Variants in GLT1D1 observed in about 807,000 individuals in gnomAD.
GLT1D1 encodes the protein glycosyltransferase 1 domain containing 1, also known as glycosyltransferase 1 domain-containing protein 1.
Under a neutral mutation model 28.7 loss-of-function variants are expected in GLT1D1, and 21 were observed. The observed-to-expected ratio is 0.73, with a 90% CI of 0.52 to 1.05. The LOEUF is 1.05. Among genes scored for constraint, GLT1D1 ranks in the 50% least tolerant of loss-of-function variants. The pLI is 0.00. For synonymous variants in GLT1D1, 147 were observed against 124.8 expected, an observed-to-expected ratio of 1.18 and a Z score of -1.19; for missense variants, 343 against 330.6, an observed-to-expected ratio of 1.04 and a Z score of -0.29.
intron 4 of GLT1D1, among the ~76,000 whole-genome samples, chr12:128,907,469 C>G (rs1871002824): frequency 6.6e-6 from 1 of 152,084 alleles, no homozygotes; most frequent in Non-Finnish European, 1.5e-5. Context: ...CCACACCCAG[C>G]TAATTTTTTG....
At chr12:128,912,386 A>G in intron 4 of GLT1D1, 38 bp from the exon 5 acceptor site, 3 of 1,429,024 alleles carry the variant, frequency 2.1e-6, no homozygotes. Context: ...TGCACTGTCC[A>G]ATGTACTTTT....
At chr12:128,908,920 G>A (rs1233086482) in intron 4 of GLT1D1, among the ~76,000 whole-genome samples, 4 of 152,156 alleles carry the variant, frequency 2.6e-5, no homozygotes, top group Non-Finnish European at 5.9e-5. Flanking sequence ...CTGCACTCCA[G>A]CCTGGGCGAC....
intron 7 of GLT1D1, among the ~76,000 whole-genome samples, chr12:128,973,243 C>T (rs1450664360): frequency 8.2e-6 from 1 of 122,574 alleles, no homozygotes; most frequent in Admixed American, 1.1e-4. Context: ...AGTCCAGTGA[C>T]ACGATATTGG....
chr12:128,961,969 C>G (rs1878002569), intron 7 of GLT1D1, among the ~76,000 whole-genome samples: 1 of 152,208 alleles, frequency 6.6e-6, no homozygotes, highest in Non-Finnish European at 1.5e-5. Flanking sequence ...ACTCTGTCCC[C>G]CTCTCCCTTC....
At chr12:128,854,343 G>T (rs1956154866) in intron 1 of GLT1D1, among the ~76,000 whole-genome samples, 1 of 152,022 alleles carries the variant, frequency 6.6e-6, no homozygotes, top group African/African-American at 2.4e-5. Context: ...CATATTCCTT[G>T]AGGCGAAGCC....
At chr12:128,956,010 T>C (rs932106898) in intron 6 of GLT1D1, among the ~76,000 whole-genome samples, 1 of 151,034 alleles carries the variant, frequency 6.6e-6, no homozygotes, top group Non-Finnish European at 1.5e-5. Flanking sequence ...GTACAAAAAA[T>C]TAGCCGGGCG....
intron 2 of GLT1D1, among the ~76,000 whole-genome samples, chr12:128,883,594 A>G (rs1362572375): frequency 8.4e-6 from 1 of 119,758 alleles, no homozygotes; most frequent in Non-Finnish European, 1.9e-5. Flanking sequence ...CATCTCAAAA[A>G]AAAAAAAAAA....
rs866070149 is a variant in GLT1D1 at position 128,952,437 on chromosome 12, G to T, written c.540+4979G>T. 3.2e-3 allele frequency among the ~76,000 whole-genome samples: 433 copies of T among 133,820 alleles called. 3 individuals are homozygous for T. Among genetic ancestry groups the T allele is most frequent in the African/African-American group, 0.012 (407 of 33,954 alleles). The allele number at this position is 133,820 out of a possible 152,430, so 87.8% of individuals were successfully genotyped here. ...GGGCAGGGGTGTAGGGTGGGGGTGG[G>T]GGGGGGTGGGGCTGAAAAGGGAAAT... On this transcript the variant is annotated intron_variant, in intron 6 of 7. Coordinates refer to ENST00000281703, the MANE Select transcript of GLT1D1 (RefSeq NM_144669.3).
At chr12:128,889,828 G>T (rs143115338) in intron 3 of GLT1D1, among the ~76,000 whole-genome samples, 1 of 152,200 alleles carries the variant, frequency 6.6e-6, no homozygotes, top group Non-Finnish European at 1.5e-5. Flanking sequence ...AGGCTGGAGC[G>T]CAATGGCGCG....
At chr12:128,890,654 G>A (rs1024404327) in intron 3 of GLT1D1, among the ~76,000 whole-genome samples, 12 of 151,054 alleles carry the variant, frequency 7.9e-5, no homozygotes, top group Admixed American at 6.6e-5. Flanking sequence ...GTGTGGTGGT[G>A]GGTACCTGTA....
chr12:128,963,648 C>T (rs535014661), intron 7 of GLT1D1, among the ~76,000 whole-genome samples: 2 of 152,100 alleles, frequency 1.3e-5, no homozygotes, highest in African/African-American at 4.8e-5. Context: ...CGTCTCAAAA[C>T]AAAAACAAAA....
chr12:128,887,399 G>A (rs1241499020), intron 2 of GLT1D1, among the ~76,000 whole-genome samples: 1 of 151,956 alleles, frequency 6.6e-6, no homozygotes, highest in Admixed American at 6.6e-5. Context: ...GATGCTCTGT[G>A]CATATAGAAA....
At chr12:128,940,526 G>A (rs1005892587) in intron 4 of GLT1D1, among the ~76,000 whole-genome samples, 1 of 152,148 alleles carries the variant, frequency 6.6e-6, no homozygotes, top group South Asian at 2.1e-4. Flanking sequence ...CCTCAGTCTG[G>A]TGCTGCCTCT....
At chr12:128,896,581 T>TC (rs1348616178) in intron 3 of GLT1D1, among the ~76,000 whole-genome samples, 1 of 145,056 alleles carries the variant, frequency 6.9e-6, no homozygotes, top group African/African-American at 2.5e-5. Context: ...CATACTTTTT[T>TC]TTTTTTTTTT....
chr12:128,963,474 C>T (rs1412361160), intron 7 of GLT1D1, among the ~76,000 whole-genome samples: 1 of 152,032 alleles, frequency 6.6e-6, no homozygotes, highest in African/African-American at 2.4e-5. Context: ...TGGTGAATCC[C>T]CATCTCTACT....
chr12:128,965,672 G>T (rs1878375439), intron 7 of GLT1D1, among the ~76,000 whole-genome samples: 1 of 124,038 alleles, frequency 8.1e-6, no homozygotes, highest in Admixed American at 1.0e-4. Flanking sequence ...AGGAGTTCAA[G>T]ACCATCCTGG....
intron 7 of GLT1D1, among the ~76,000 whole-genome samples, chr12:128,975,851 T>G (rs1879718404): frequency 6.6e-6 from 1 of 152,248 alleles, no homozygotes; most frequent in African/African-American, 2.4e-5. Context: ...AATCAATGAC[T>G]ACTCTGTGTT....
chr12:128,932,235 A>T lies in GLT1D1; in HGVS notation c.376-13091A>T, dbSNP rs139261867. On this transcript the variant is annotated intron_variant, in intron 4 of 7. Coordinates refer to ENST00000281703, the MANE Select transcript of GLT1D1 (RefSeq NM_144669.3). ...TTCCAAGCTAGTCCAACACATCTGT[A>T]ACATACCTGATGACAACATACGTGG... Among the ~76,000 whole-genome samples, 550 of 152,286 alleles carry T rather than the reference A, an allele frequency of 3.6e-3. 7 individuals carry two copies. The highest frequency in any genetic ancestry group is 0.022 in the Admixed American group (343 of 15,296).
At chr12:128,980,493 G>A (rs1329673169) in intron 7 of GLT1D1, among the ~76,000 whole-genome samples, 1 of 152,240 alleles carries the variant, frequency 6.6e-6, no homozygotes, top group East Asian at 1.9e-4. Flanking sequence ...CGAGTCTGCA[G>A]TTTGAGCTGG....
Sources: gnomAD v4.1 joint callset for allele counts (sites outside exome capture counted in the v4.1 genomes callset) on GRCh38, gnomAD v4.1.1 for gene constraint, MANE v1.5 for transcripts, NCBI Gene and HGNC (gene_info 2026-07-23, HGNC 2026-07-21) for gene names.